Variants in ZFAND3 observed in about 807,000 individuals in gnomAD.
ZFAND3 encodes the protein zinc finger AN1-type containing 3.
Under a neutral mutation model 29.6 loss-of-function variants are expected in ZFAND3, and 10 were observed. The ratio of observed to expected loss-of-function variants is 0.34; its 90% CI spans 0.21 to 0.57. The LOEUF (loss-of-function observed/expected upper bound fraction) is 0.57, where lower values mean the gene tolerates loss of function less well. Among genes scored for constraint, ZFAND3 ranks in the 20% least tolerant of loss-of-function variants. The pLI, the probability that ZFAND3 is intolerant of heterozygous loss-of-function variation, is 0.86. For missense variants in ZFAND3, 230 were observed against 304.5 expected (o/e 0.76, Z 1.82); for synonymous variants, 128 against 112.6 (o/e 1.14, Z -0.87).
intron 1 of ZFAND3, among the ~76,000 whole-genome samples, chr6:37,838,529 G>A (rs2127372309): frequency 6.6e-6 from 1 of 152,262 alleles, no homozygotes; most frequent in East Asian, 1.9e-4. Flanking sequence ...CTACTTTCTG[G>A]TTCTATGGAT....
chr6:38,019,255 G>T (rs1485640129), intron 2 of ZFAND3, among the ~76,000 whole-genome samples: 2 of 152,270 alleles, frequency 1.3e-5, no homozygotes, highest in Non-Finnish European at 1.5e-5. Flanking sequence ...ACCACACCCG[G>T]CCTGATAGAT....
At chr6:38,099,112 C>T (rs761760448) in intron 4 of ZFAND3, among the ~76,000 whole-genome samples, 9 of 152,116 alleles carry the variant, frequency 5.9e-5, no homozygotes, top group Non-Finnish European at 1.2e-4. Flanking sequence ...ACTCTTCTTT[C>T]TAGGGCACAT....
intron 3 of ZFAND3, among the ~76,000 whole-genome samples, chr6:38,076,453 A>T (rs1298845371): frequency 6.6e-6 from 1 of 152,078 alleles, no homozygotes; most frequent in Admixed American, 6.6e-5. Context: ...TGGTAATACG[A>T]TTTTGTTGAG....
chr6:37,859,543 A>G (rs1296429511), intron 1 of ZFAND3, among the ~76,000 whole-genome samples: 1 of 152,136 alleles, frequency 6.6e-6, no homozygotes, highest in Non-Finnish European at 1.5e-5. Context: ...TTCTGATCTT[A>G]TGGTCTATTT....
intron 2 of ZFAND3, among the ~76,000 whole-genome samples, chr6:37,948,147 TG>T (rs1761934115): frequency 6.6e-6 from 1 of 152,222 alleles, no homozygotes; most frequent in African/African-American, 2.4e-5. Flanking sequence ...TTTCCATGTC[TG>T]TTGATTTTTT....
At chr6:37,897,989 G>A (rs757945294) in intron 1 of ZFAND3, among the ~76,000 whole-genome samples, 1 of 152,050 alleles carries the variant, frequency 6.6e-6, no homozygotes, top group Non-Finnish European at 1.5e-5. Context: ...CCCAATCTGT[G>A]GTTGACTTTT....
At chr6:38,096,300 G>A (rs1035662271) in intron 4 of ZFAND3, among the ~76,000 whole-genome samples, 1 of 151,884 alleles carries the variant, frequency 6.6e-6, no homozygotes, top group African/African-American at 2.4e-5. Flanking sequence ...AGCCTCCCAA[G>A]TAGCTGGGAT....
At chr6:37,820,042 G>A in intron 1 of ZFAND3, 26 bp downstream of exon 1, 1 of 1,157,782 alleles carries the variant, frequency 8.6e-7, no homozygotes, top group Non-Finnish European at 1.0e-6. Context: ...GGTGGGGGCG[G>A]GGGGCGGGGG....
At chr6:38,101,070 A>G (rs779643397) in intron 4 of ZFAND3, among the ~76,000 whole-genome samples, 41 of 152,228 alleles carry the variant, frequency 2.7e-4, no homozygotes, top group African/African-American at 8.9e-4. Context: ...GTGGATCACA[A>G]TGTGGACATC....
intron 2 of ZFAND3, among the ~76,000 whole-genome samples, chr6:38,002,673 A>G (rs905392332): frequency 2.6e-5 from 4 of 152,170 alleles, no homozygotes; most frequent in Admixed American, 2.6e-4. Flanking sequence ...TCAAAAAAAC[A>G]ACAACAATAA....
chr6:38,055,536 C>T (rs1561982749), intron 2 of ZFAND3, among the ~76,000 whole-genome samples: 1 of 152,154 alleles, frequency 6.6e-6, no homozygotes, highest in Non-Finnish European at 1.5e-5. Context: ...AAAATGAATG[C>T]AAAGCCCCTG....
At chr6:37,978,095 G>A (rs182655758) in intron 2 of ZFAND3, among the ~76,000 whole-genome samples, 4 of 152,018 alleles carry the variant, frequency 2.6e-5, no homozygotes, top group South Asian at 2.1e-4. Flanking sequence ...TCTATGGCTG[G>A]CTAATTTTCG....
At chr6:37,834,452 T>C (rs1038935801) in intron 1 of ZFAND3, among the ~76,000 whole-genome samples, 4 of 152,220 alleles carry the variant, frequency 2.6e-5, no homozygotes, top group African/African-American at 9.6e-5. Context: ...ATAAGGCTGC[T>C]AGGAACATCT....
chr6:38,141,867 C>G (rs566125028), intron 5 of ZFAND3, among the ~76,000 whole-genome samples: 2 of 152,098 alleles, frequency 1.3e-5, no homozygotes, highest in Admixed American at 6.6e-5. Flanking sequence ...GACCCCACCC[C>G]GAAGAATCAT....
intron 2 of ZFAND3, among the ~76,000 whole-genome samples, chr6:38,041,169 A>G (rs1420890948): frequency 6.6e-6 from 1 of 152,182 alleles, no homozygotes; most frequent in Non-Finnish European, 1.5e-5. Context: ...TACGCATTTT[A>G]GGGAGCAATA....
At chr6:37,997,337 G>A (rs918004226) in intron 2 of ZFAND3, among the ~76,000 whole-genome samples, 8 of 152,044 alleles carry the variant, frequency 5.3e-5, no homozygotes, top group Non-Finnish European at 8.8e-5. Context: ...ATGATTCCAG[G>A]CCCTACAAAG....
chr6:37,873,533 T>G (rs941234898), intron 1 of ZFAND3, among the ~76,000 whole-genome samples: 1 of 146,360 alleles, frequency 6.8e-6, no homozygotes, highest in African/African-American at 2.7e-5. Context: ...ATCCGTCACA[T>G]AAGTTCTTGC....
At chr6:38,130,161 G>A (rs1190216244) in intron 5 of ZFAND3, among the ~76,000 whole-genome samples, 1 of 152,072 alleles carries the variant, frequency 6.6e-6, no homozygotes, top group African/African-American at 2.4e-5. Context: ...CATTAATTTT[G>A]TATCCAGAAA....
chr6:37,860,664 G>T (rs1357281650), intron 1 of ZFAND3, among the ~76,000 whole-genome samples: 2 of 139,132 alleles, frequency 1.4e-5, no homozygotes, highest in Admixed American at 7.2e-5. Context: ...TTTTAAGTAG[G>T]TTTAGATTTT....
Sources: allele counts gnomAD v4.1 joint callset (sites outside exome capture counted in the v4.1 genomes callset), GRCh38; gene constraint gnomAD v4.1.1; transcripts MANE v1.5; gene names NCBI Gene and HGNC (gene_info 2026-07-23, HGNC 2026-07-21).